The following KLF8 variants were observed in gnomAD, a reference collection of about 807,000 sequenced individuals.
KLF8 encodes the protein Krueppel-like factor 8.
In KLF8, 10 loss-of-function variants were observed where a neutral mutation model predicts 18.2. The ratio of observed to expected loss-of-function variants is 0.55; its 90% CI spans 0.34 to 0.93. The LOEUF is 0.93. Among genes scored for constraint, KLF8 ranks in the 40% least tolerant of loss-of-function variants. KLF8 has a pLI of 0.02. For missense variants in KLF8, 264 were observed against 277.9 expected, an observed-to-expected ratio of 0.95 and a Z score of 0.36; for synonymous variants, 109 against 97.3, an observed-to-expected ratio of 1.12 and a Z score of -0.71.
chrX:56,038,365 C>A, the KLF8 span, among the ~76,000 whole-genome samples: 1 of 111,704 alleles, frequency 9.0e-6, no homozygotes, highest in Non-Finnish European at 1.9e-5. Context: ...TTGATGGTGT[C>A]ACTCACCCCA....
chrX:56,051,853 C>G, the KLF8 span, among the ~76,000 whole-genome samples: 1 of 108,398 alleles, frequency 9.2e-6, no homozygotes, highest in Non-Finnish European at 1.9e-5. Flanking sequence ...GGATAATACC[C>G]TGCAGAGTGT....
chrX:56,200,098 G>A, the KLF8 span, among the ~76,000 whole-genome samples: 1 of 111,017 alleles, frequency 9.0e-6, no homozygotes, highest in East Asian at 2.8e-4. Context: ...CTGGGGCTGG[G>A]GGAGGGATAG....
the KLF8 span, among the ~76,000 whole-genome samples, chrX:56,185,526 C>A: frequency 8.1e-5 from 9 of 111,137 alleles, no homozygotes; most frequent in South Asian, 1.5e-3. Context: ...ACAGAGAACA[C>A]CACAAAGATA....
intron 5 of KLF8, among the ~76,000 whole-genome samples, chrX:56,283,934 A>G (rs979851408): frequency 8.9e-6 from 1 of 112,144 alleles, no homozygotes; most frequent in African/African-American, 3.2e-5. Context: ...ACAAGAGGCT[A>G]TGTGCTTCCC....
chrX:56,064,493 A>C, the KLF8 span, among the ~76,000 whole-genome samples: 1 of 110,726 alleles, frequency 9.0e-6, no homozygotes, highest in Non-Finnish European at 1.9e-5. Flanking sequence ...TTAAGTGGAG[A>C]ATTTAACCTG....
chrX:56,123,537 G>A, the KLF8 span, among the ~76,000 whole-genome samples: 1 of 111,847 alleles, frequency 8.9e-6, no homozygotes, highest in Non-Finnish European at 1.9e-5. Context: ...TCTAAGAAGA[G>A]TGGTGAGGTT....
chrX:56,233,987 GGAAGACT>G (rs1401870725), intron 1 of KLF8, among the ~76,000 whole-genome samples: 1 of 111,402 alleles, frequency 9.0e-6, no homozygotes, highest in African/African-American at 3.3e-5. Context: ...CTGTGTAGGT[GGAAGACT>G]GACTGGGCCG....
At chrX:56,005,793 C>T in the KLF8 span, among the ~76,000 whole-genome samples, 44 of 111,910 alleles carry the variant, frequency 3.9e-4, no homozygotes, top group Non-Finnish European at 5.8e-4. Flanking sequence ...GCTGGCAGAG[C>T]GGTGCAGGTG....
At chrX:56,037,073 T>C in the KLF8 span, among the ~76,000 whole-genome samples, 1 of 107,958 alleles carries the variant, frequency 9.3e-6, no homozygotes, top group Non-Finnish European at 1.9e-5. Context: ...AGTTTTTTTG[T>C]GTATATAAGA....
At chrX:55,959,401 A>G in the KLF8 span, among the ~76,000 whole-genome samples, 1 of 112,161 alleles carries the variant, frequency 8.9e-6, no homozygotes, top group Admixed American at 9.5e-5. Context: ...CTCTCCAGCA[A>G]TGGTTCTTAA....
chrX:56,265,689 C>T lies in KLF8; in HGVS notation c.591C>T (p.Gly197=), dbSNP rs2066963201. Residue 197 remains glycine, a synonymous_variant, in exon 3 of 6, where the codon GGC becomes GGT. Coordinates refer to ENST00000468660, the MANE Select transcript of KLF8 (RefSeq NM_007250.5). The part of the protein sequence containing the change: ...MVYTTLPADG[G]PAAITVPLIG... ...ATACTACTTTGCCTGCAGATGGGGG[C>T]CCTGCAGCCATTACAGTCCCACTCA... The T allele has an allele frequency of 1.4e-5, 17 of 1,205,943 alleles. No homozygotes were observed. Among genetic ancestry groups the T allele is most frequent in the Non-Finnish European group, 1.9e-5 (17 of 894,541 alleles).
At chrX:56,134,848 C>G in the KLF8 span, among the ~76,000 whole-genome samples, 535 of 110,779 alleles carry the variant, frequency 4.8e-3, 11 homozygotes, top group Admixed American at 0.047. Flanking sequence ...AAAAAGTGGG[C>G]TAAGGACATG....
At chrX:56,197,879 G>A in the KLF8 span, among the ~76,000 whole-genome samples, 4 of 111,887 alleles carry the variant, frequency 3.6e-5, no homozygotes, top group African/African-American at 6.5e-5. Context: ...ACATCAAAAA[G>A]CTTATCCACC....
At chrX:56,269,308 G>A in intron 3 of KLF8, 70 bp from the exon 4 acceptor site, 1 of 1,077,624 alleles carries the variant, frequency 9.3e-7, no homozygotes. Flanking sequence ...GGGACAAACT[G>A]GGAATCCTGA....
chrX:56,101,999 A>G, the KLF8 span, among the ~76,000 whole-genome samples: 3 of 111,233 alleles, frequency 2.7e-5, no homozygotes, highest in Non-Finnish European at 3.8e-5. Context: ...ATTGTTTTTT[A>G]GGAATTCAGC....
At chrX:56,143,629 A>G in the KLF8 span, among the ~76,000 whole-genome samples, 3 of 111,853 alleles carry the variant, frequency 2.7e-5, no homozygotes, top group African/African-American at 9.7e-5. Flanking sequence ...TAATTCCATT[A>G]CCAAGTTTCA....
the KLF8 span, among the ~76,000 whole-genome samples, chrX:56,196,050 C>T: frequency 9.0e-6 from 1 of 111,295 alleles, no homozygotes; most frequent in Admixed American, 9.6e-5. Context: ...TATGTCACCA[C>T]CAGGACTGCC....
At chrX:56,221,688 G>T in the KLF8 span, among the ~76,000 whole-genome samples, 1 of 111,485 alleles carries the variant, frequency 9.0e-6, no homozygotes, top group Admixed American at 9.5e-5. Flanking sequence ...CCTCCCCGGT[G>T]GGTTCGTGGT....
At chrX:55,953,959 A>AT in the KLF8 span, among the ~76,000 whole-genome samples, 3 of 109,231 alleles carry the variant, frequency 2.7e-5, no homozygotes, top group Non-Finnish European at 3.8e-5. Flanking sequence ...ATGCATATAT[A>AT]TTTTTTTTCT....
Sources: allele counts gnomAD v4.1 joint callset (sites outside exome capture counted in the v4.1 genomes callset), GRCh38; gene constraint gnomAD v4.1.1; transcripts MANE v1.5; gene names NCBI Gene and HGNC (gene_info 2026-07-23, HGNC 2026-07-21).